Variants in FABP12 observed in about 807,000 individuals in gnomAD.
The protein encoded by FABP12 is fatty acid-binding protein 12.
Under a neutral mutation model 13.7 loss-of-function variants are expected in FABP12, and 19 were observed. That is an observed-to-expected ratio of 1.39 (90% CI 0.97 to 2.04). FABP12 has a LOEUF of 2.04. FABP12 is among the 30% of genes most tolerant of loss of function. FABP12 has a pLI of 0.00. For missense variants in FABP12, 182 were observed against 164.2 expected (o/e 1.11, Z -0.59); for synonymous variants, 61 against 57.0 (o/e 1.07, Z -0.32).
intron 1 of FABP12, among the ~76,000 whole-genome samples, chr8:81,548,055 A>G (rs1809464855): frequency 6.6e-6 from 1 of 152,172 alleles, no homozygotes; most frequent in Non-Finnish European, 1.5e-5. Context: ...CAAAAGGACA[A>G]AGATTCCTTC....
intron 1 of FABP12, among the ~76,000 whole-genome samples, chr8:81,583,736 A>C (rs1593714): frequency 0.83 from 125,750 of 152,098 alleles, 53,625 homozygotes; most frequent in Non-Finnish European, 0.92. Flanking sequence ...AGGAATCGAT[A>C]GCTGCACAGC....
chr8:81,525,553 G>A (rs968739268), intron 4 of FABP12, among the ~76,000 whole-genome samples: 1 of 144,708 alleles, frequency 6.9e-6, no homozygotes, highest in African/African-American at 2.8e-5. Context: ...TAGATAGATA[G>A]ATGATAGATA....
At chr8:81,562,770 T>C (rs1236758041) in intron 1 of FABP12, among the ~76,000 whole-genome samples, 1 of 152,126 alleles carries the variant, frequency 6.6e-6, no homozygotes, top group African/African-American at 2.4e-5. Flanking sequence ...GAGGACCACA[T>C]AGATTCCTAA....
At chr8:81,550,187 T>C (rs1190412720) in intron 1 of FABP12, among the ~76,000 whole-genome samples, 1 of 152,098 alleles carries the variant, frequency 6.6e-6, no homozygotes, top group Non-Finnish European at 1.5e-5. Flanking sequence ...CTACCTTAAA[T>C]CCCACACAGT....
At chr8:81,584,158 C>T (rs757278315) in intron 1 of FABP12, among the ~76,000 whole-genome samples, 10 of 152,164 alleles carry the variant, frequency 6.6e-5, no homozygotes, top group Non-Finnish European at 1.5e-4. Context: ...GTGACACCAG[C>T]AAGTTGGGTG....
intron 1 of FABP12, among the ~76,000 whole-genome samples, chr8:81,567,393 T>A (rs1960310): frequency 0.12 from 17,762 of 152,196 alleles, 1,334 homozygotes; most frequent in East Asian, 0.26. Flanking sequence ...GGAATCACAT[T>A]ACCTGACTTC....
chr8:81,579,627 T>G (rs1810123473), intron 1 of FABP12, among the ~76,000 whole-genome samples: 1 of 152,196 alleles, frequency 6.6e-6, no homozygotes, highest in South Asian at 2.1e-4. Context: ...TGTTGGCATG[T>G]CACTAGTGTA....
chr8:81,578,823 G>GTTTTTTTTTTTTTTTTTTTTTTTTTT (rs763089399), intron 1 of FABP12, among the ~76,000 whole-genome samples: 3 of 105,658 alleles, frequency 2.8e-5, no homozygotes, highest in African/African-American at 1.2e-4. Flanking sequence ...ATTTGTTCAA[G>GTTTTTTTTTTTTTTTTTTTTTTTTTT]TTTTTTTTTT....
chr8:81,552,285 G>A (rs920071835), intron 1 of FABP12, among the ~76,000 whole-genome samples: 3 of 152,184 alleles, frequency 2.0e-5, no homozygotes, highest in African/African-American at 7.2e-5. Flanking sequence ...ACAGAGCAAG[G>A]TCCTTTAGGG....
Position 81,527,196 on chromosome 8 carries a change from C to A in FABP12, c.247-75G>T, listed in dbSNP as rs1304012371. The A allele has an allele frequency of 7.5e-6, 6 of 805,052 alleles. No individual in the cohort carries two copies. In the East Asian group the frequency reaches 1.6e-4, roughly 21 times the overall value. 49.9% of individuals were successfully genotyped at this position (805,052 alleles called of 1,614,324 possible). A position where few individuals can be genotyped will look rare whatever the true frequency, so the allele number is the denominator to read the frequency against. ...TTAAAATTTTATCAGGCAGCAAATT[C>A]TTTTTAGCTGTTGTAATACTCTCAG... On this transcript the variant is annotated intron_variant, in intron 3 of 4. Coordinates refer to ENST00000360464, the Ensembl canonical transcript of FABP12.
At chr8:81,578,855 C>A (rs546769252) in intron 1 of FABP12, among the ~76,000 whole-genome samples, 4 of 83,712 alleles carry the variant, frequency 4.8e-5, no homozygotes, top group South Asian at 8.3e-4. Flanking sequence ...GAAGGAGTCT[C>A]GCTCTGTCAC....
At chr8:81,581,758 C>G (rs1200318931) in intron 1 of FABP12, among the ~76,000 whole-genome samples, 1 of 152,100 alleles carries the variant, frequency 6.6e-6, no homozygotes, top group African/African-American at 2.4e-5. Context: ...GAAATAAAGT[C>G]TTTTCTAAAC....
intron 1 of FABP12, among the ~76,000 whole-genome samples, chr8:81,584,776 G>T (rs999696729): frequency 2.0e-5 from 3 of 152,076 alleles, no homozygotes; most frequent in Non-Finnish European, 4.4e-5. Context: ...AGTGTACAAG[G>T]GTTCCTCCTT....
chr8:81,578,823 G>GTTTTTTTTT lies in FABP12; in HGVS notation c.-185+11221_-185+11229dup, dbSNP rs763089399. ...TACAGAATCTGACACATTTGTTCAA[G>GTTTTTTTTT]TTTTTTTTTTTTTTTTTTTGAGAAG... On this transcript the variant is annotated intron_variant, in intron 1 of 5. Coordinates refer to the FABP12 transcript ENST00000692030. Among the ~76,000 whole-genome samples, 8 of 105,664 alleles carry GTTTTTTTTT rather than the reference G, an allele frequency of 7.6e-5. 2 individuals are homozygous for GTTTTTTTTT. Among genetic ancestry groups the GTTTTTTTTT allele is most frequent in the African/African-American group, 2.4e-4 (6 of 24,574 alleles). 69.3% of individuals were successfully genotyped at this position (105,664 alleles called of 152,430 possible). A position where few individuals can be genotyped will look rare whatever the true frequency, so the allele number is the denominator to read the frequency against.
At chr8:81,580,944 T>C (rs1810147021) in intron 1 of FABP12, among the ~76,000 whole-genome samples, 1 of 152,224 alleles carries the variant, frequency 6.6e-6, no homozygotes, top group South Asian at 2.1e-4. Context: ...GAACTTTTCC[T>C]GCTTCTCTAA....
At chr8:81,562,813 G>A (rs1420205157) in intron 1 of FABP12, among the ~76,000 whole-genome samples, 1 of 152,170 alleles carries the variant, frequency 6.6e-6, no homozygotes, top group East Asian at 1.9e-4. Context: ...ATTCTAGATG[G>A]CATCTCTGGA....
intron 1 of FABP12, among the ~76,000 whole-genome samples, chr8:81,583,386 A>T (rs1040027747): frequency 6.6e-6 from 1 of 152,178 alleles, no homozygotes; most frequent in Non-Finnish European, 1.5e-5. Flanking sequence ...AGAGACAAAG[A>T]ATCAACAAAA....
chr8:81,555,332 C>A (rs934030815), intron 1 of FABP12, among the ~76,000 whole-genome samples: 4 of 152,120 alleles, frequency 2.6e-5, no homozygotes, highest in Non-Finnish European at 4.4e-5. Context: ...GAAAAATAGA[C>A]AAATAAACAT....
At chr8:81,557,271 A>G (rs113844014) in intron 1 of FABP12, among the ~76,000 whole-genome samples, 1,552 of 152,124 alleles carry the variant, frequency 0.01, 16 homozygotes, top group African/African-American at 0.034. Context: ...TTTTTCTGTA[A>G]CTCTTTACTT....
Sources: allele counts gnomAD v4.1 joint callset (sites outside exome capture counted in the v4.1 genomes callset), GRCh38; gene constraint gnomAD v4.1.1; transcripts MANE v1.5; gene names NCBI Gene and HGNC (gene_info 2026-07-23, HGNC 2026-07-21).